The following C9 variants were observed in gnomAD, a reference collection of about 807,000 sequenced individuals.
C9 encodes the protein complement component C9.
A neutral mutation model predicts 65.4 loss-of-function variants in C9; 63 were observed. That is an observed-to-expected ratio of 0.96 (90% CI 0.79 to 1.19). The LOEUF (loss-of-function observed/expected upper bound fraction) is 1.19. Ranked by LOEUF, C9 falls within the 50% of genes most tolerant of loss-of-function variation. The pLI is 0.00. For synonymous variants in C9, 229 were observed against 227.9 expected, an observed-to-expected ratio of 1.00 and a Z score of -0.04; for missense variants, 744 against 670.1, an observed-to-expected ratio of 1.11 and a Z score of -1.22.
intron 4 of C9, among the ~76,000 whole-genome samples, chr5:39,333,708 C>T (rs1240741142): frequency 6.6e-6 from 1 of 152,064 alleles, no homozygotes; most frequent in Non-Finnish European, 1.5e-5. Context: ...CTGCAGCCTC[C>T]CTGCCTGATT....
chr5:39,293,290 T>C (rs184254499), intron 9 of C9, among the ~76,000 whole-genome samples: 2 of 151,896 alleles, frequency 1.3e-5, no homozygotes, highest in East Asian at 3.9e-4. Flanking sequence ...AAAGAAATAA[T>C]AGCCAACTAT....
intron 5 of C9, among the ~76,000 whole-genome samples, chr5:39,316,860 C>T (rs1337434363): frequency 6.6e-6 from 1 of 152,108 alleles, no homozygotes; most frequent in Admixed American, 6.5e-5. Flanking sequence ...TGGATATATA[C>T]TCAGTATTGG....
intron 1 of C9, among the ~76,000 whole-genome samples, chr5:39,345,778 C>T (rs1754180477): frequency 6.6e-6 from 1 of 152,176 alleles, no homozygotes; most frequent in Non-Finnish European, 1.5e-5. Flanking sequence ...AAGTAAAGCA[C>T]TCCTCAGAAA....
intron 9 of C9, among the ~76,000 whole-genome samples, chr5:39,296,746 TA>T (rs1159348316): frequency 6.6e-6 from 1 of 151,756 alleles, no homozygotes; most frequent in East Asian, 1.9e-4. Flanking sequence ...GGAATACTAT[TA>T]AGCCATAAAA....
In C9 at chr5:39,311,096, C is replaced by A; in HGVS notation, c.1111+41G>T. ...GTTGGTGAACAAAATAATGTTTGGTCAAAACAGTATTTGAAGTCAGAGCTC... is the reference window on the plus strand; with the variant it reads ...GTTGGTGAACAAAATAATGTTTGGTAAAAACAGTATTTGAAGTCAGAGCTC... On this transcript the variant is annotated intron_variant, in intron 7 of 10. Transcript: ENST00000263408. 2.5e-6 allele frequency: 4 copies of A among 1,608,184 alleles called. No individual in the cohort carries two copies. In the South Asian group the frequency reaches 4.4e-5, roughly 18 times the overall value.
chr5:39,329,783 T>G (rs1753811416), intron 5 of C9, among the ~76,000 whole-genome samples: 1 of 152,166 alleles, frequency 6.6e-6, no homozygotes, highest in South Asian at 2.1e-4. Context: ...TAATTTGCCT[T>G]CAGGTACTAC....
At chr5:39,350,614 A>G (rs1471796278) in intron 1 of C9, among the ~76,000 whole-genome samples, 1 of 152,222 alleles carries the variant, frequency 6.6e-6, no homozygotes, top group Non-Finnish European at 1.5e-5. Flanking sequence ...GATAGGGGCT[A>G]CAGGCACCAT....
chr5:39,341,283 T>C lies in C9; in HGVS notation c.339A>G (p.Ile113Met), dbSNP rs748941606. The C allele has an allele frequency of 6.2e-7, 1 of 1,614,174 alleles. No homozygotes were observed. The highest frequency in any genetic ancestry group is 2.2e-5 in the East Asian group (1 of 44,868). Reference sequence around the variant, plus strand: ...CACCATTACACCGAAGTCGCATCTTTATGCATCTGCCTGCAATCAAAATCA... The same window carrying C: ...CACCATTACACCGAAGTCGCATCTTCATGCATCTGCCTGCAATCAAAATCA... ...NDFQCSTGRC[I>M]KMRLRCNGDN... Residue 113 changes from isoleucine (I) to methionine (M), a missense_variant, in exon 4 of 11, where the codon ATA (isoleucine) becomes ATG (methionine). Coordinates refer to ENST00000263408, the MANE Select transcript of C9 (RefSeq NM_001737.5).
chr5:39,301,578 C>G (rs1753283494), intron 9 of C9, among the ~76,000 whole-genome samples: 1 of 150,868 alleles, frequency 6.6e-6, no homozygotes, highest in Non-Finnish European at 1.5e-5. Flanking sequence ...CAATATTACT[C>G]TCTGTACTAT....
intron 9 of C9, 50 bp from the exon 10 acceptor site, chr5:39,289,001 C>T (rs1579835708): frequency 1.0e-6 from 1 of 967,156 alleles, no homozygotes; most frequent in Non-Finnish European, 1.7e-6. Context: ...ACTGAGAGAA[C>T]TTGTAGAATA....
chr5:39,328,848 A>G (rs1424887672), intron 5 of C9, among the ~76,000 whole-genome samples: 2 of 152,200 alleles, frequency 1.3e-5, no homozygotes, highest in African/African-American at 2.4e-5. Flanking sequence ...TTAGGTGGCT[A>G]GAAATGAGAG....
At chr5:39,343,080 G>A (rs187235080) in intron 1 of C9, among the ~76,000 whole-genome samples, 28 of 152,264 alleles carry the variant, frequency 1.8e-4, no homozygotes, top group African/African-American at 2.9e-4. Flanking sequence ...GGAACAGCTC[G>A]TTTACAGCTC....
At chr5:39,305,159 G>C (rs1398866621) in intron 9 of C9, among the ~76,000 whole-genome samples, 1 of 151,994 alleles carries the variant, frequency 6.6e-6, no homozygotes, top group Non-Finnish European at 1.5e-5. Context: ...ATTTGTGTTA[G>C]ATTTAAATTT....
intron 5 of C9, among the ~76,000 whole-genome samples, chr5:39,324,740 G>T (rs1224862886): frequency 6.6e-6 from 1 of 152,090 alleles, no homozygotes; most frequent in Non-Finnish European, 1.5e-5. Flanking sequence ...ACCAATACTT[G>T]TAACCATCAT....
intron 4 of C9, among the ~76,000 whole-genome samples, chr5:39,332,063 A>G (rs1753850939): frequency 1.3e-5 from 2 of 152,196 alleles, no homozygotes; most frequent in South Asian, 4.1e-4. Flanking sequence ...CAATGAAAGA[A>G]ATGCAATAAG....
intron 8 of C9, 58 bp downstream of exon 8, chr5:39,308,172 T>G (rs1250040435): frequency 6.9e-7 from 1 of 1,459,150 alleles, no homozygotes; most frequent in African/African-American, 1.4e-5. Context: ...AAGAGGGCAG[T>G]GCTCATTGAC....
intron 7 of C9, among the ~76,000 whole-genome samples, chr5:39,308,805 T>C (rs1269431169): frequency 6.6e-6 from 1 of 152,210 alleles, no homozygotes; most frequent in Admixed American, 6.5e-5. Flanking sequence ...AAATATGGAA[T>C]TGCAGAGCAG....
At chr5:39,349,207 C>G (rs964282119) in intron 1 of C9, among the ~76,000 whole-genome samples, 1 of 150,972 alleles carries the variant, frequency 6.6e-6, no homozygotes, top group Non-Finnish European at 1.5e-5. Flanking sequence ...ACAGAAAAGA[C>G]TAGGTGATGC....
At chr5:39,352,820 G>A (rs1754345372) in intron 1 of C9, among the ~76,000 whole-genome samples, 1 of 150,942 alleles carries the variant, frequency 6.6e-6, no homozygotes, top group African/African-American at 2.5e-5. Flanking sequence ...CACCACTCTT[G>A]TGATGAAGTC....
Sources: gnomAD v4.1 joint callset for allele counts (sites outside exome capture counted in the v4.1 genomes callset) on GRCh38, gnomAD v4.1.1 for gene constraint, MANE v1.5 for transcripts, NCBI Gene and HGNC (gene_info 2026-07-23, HGNC 2026-07-21) for gene names.